The following DNAH8 variants were observed in gnomAD, a reference collection of about 807,000 sequenced individuals.
DNAH8 encodes axonemal beta dynein heavy chain 8.
DNAH8 carries 382 observed loss-of-function variants against 562.1 expected under a neutral mutation model. The ratio of observed to expected loss-of-function variants is 0.68; its 90% CI spans 0.63 to 0.74. The LOEUF is 0.74. DNAH8 is among the 30% of genes least tolerant of loss of function. The pLI, the probability that DNAH8 is intolerant of heterozygous loss-of-function variation, is 0.00. For synonymous variants in DNAH8, 1,881 were observed against 1,919.4 expected (o/e 0.98, Z 0.52); for missense variants, 5,203 against 5,620.4 (o/e 0.93, Z 2.37).
chr6:38,823,528 A>C, intron 27 of DNAH8, 34 bp from the exon 28 acceptor site: 1 of 1,534,962 alleles, frequency 6.5e-7, no homozygotes, highest in Non-Finnish European at 9.0e-7. Context: ...TATACTGTTA[A>C]AAAATTAAAA....
intron 91 of DNAH8, among the ~76,000 whole-genome samples, chr6:39,021,008 A>G (rs541473662): frequency 6.6e-6 from 1 of 152,258 alleles, no homozygotes; most frequent in African/African-American, 2.4e-5. Context: ...TAGCAGAATG[A>G]TTTGTATTTT....
intron 82 of DNAH8, among the ~76,000 whole-genome samples, 199 bp from the exon 83 acceptor site, chr6:38,971,393 G>T (rs916477981): frequency 6.6e-6 from 1 of 151,670 alleles, no homozygotes; most frequent in East Asian, 1.9e-4. Flanking sequence ...ACGCTTTTCC[G>T]GGTGGTGCCT....
At chr6:38,995,200 A>C (rs1765058236) in intron 88 of DNAH8, among the ~76,000 whole-genome samples, 1 of 152,120 alleles carries the variant, frequency 6.6e-6, no homozygotes, top group South Asian at 2.1e-4. Flanking sequence ...AACACCTAAA[A>C]AGTTAGTGAA....
chr6:38,719,985 G>C (rs73416356), intron 1 of DNAH8, among the ~76,000 whole-genome samples: 12,677 of 152,102 alleles, frequency 0.083, 1,679 homozygotes, highest in African/African-American at 0.28. Context: ...CAGATATAAG[G>C]ATGAGATCAT....
chr6:38,998,220 A>G (rs1382440606), intron 88 of DNAH8, among the ~76,000 whole-genome samples: 1 of 152,238 alleles, frequency 6.6e-6, no homozygotes, highest in East Asian at 1.9e-4. Flanking sequence ...ATAAGAATGC[A>G]GAATCTCTGA....
chr6:38,863,925 A>G lies in DNAH8; in HGVS notation c.6363A>G (p.Glu2121=). ...WGCFDEFNRI[E]LPVLSVAAQQ... ...GTTTTGATGAGTTTAACAGAATTGA[A>G]TTGCCTGTATTATCAGTGGCAGCAC... The change falls in exon 45 of 93, where the codon GAA becomes GAG. Residue 2121 remains glutamate, a synonymous_variant. Coordinates refer to ENST00000327475, the MANE Select transcript of DNAH8 (RefSeq NM_001206927.2). 1 of 1,611,928 alleles carries G rather than the reference A, an allele frequency of 6.2e-7. No individual in the cohort carries two copies. Among genetic ancestry groups the G allele is most frequent in the Non-Finnish European group, 8.5e-7 (1 of 1,179,572 alleles).
chr6:38,796,790 G>A (rs1770304439), intron 21 of DNAH8, among the ~76,000 whole-genome samples: 1 of 151,978 alleles, frequency 6.6e-6, no homozygotes, highest in Admixed American at 6.5e-5. Flanking sequence ...CGGGGAGCTC[G>A]GTTTTTGGAG....
At position 38,837,865 on chromosome 6, in the gene DNAH8, T is replaced by A. The variant is rs1236906352; in HGVS notation, c.4366-77T>A. On this transcript the variant is annotated intron_variant, in intron 32 of 92. Coordinates refer to ENST00000327475, the MANE Select transcript of DNAH8 (RefSeq NM_001206927.2). ...TTAATAAACCTCAACCTAGCTTTTA[T>A]CCCAATGAAAATAAATTCCACTTTA... 7.5e-6 allele frequency: 8 copies of A among 1,063,298 alleles called. No individual in the cohort carries two copies. In the Admixed American group the frequency reaches 1.5e-4, roughly 21 times the overall value. 65.9% of individuals were successfully genotyped at this position (1,063,298 alleles called of 1,614,324 possible). A position where few individuals can be genotyped will look rare whatever the true frequency, so the allele number is the denominator to read the frequency against.
In DNAH8 at chr6:38,886,891, CAGCAA is replaced by C; in HGVS notation, c.8361_8365del (p.Ala2788AspfsTer9). The C allele has an allele frequency of 6.2e-7, 1 of 1,613,950 alleles. No homozygotes were observed. Among genetic ancestry groups the C allele is most frequent in the Non-Finnish European group, 8.5e-7 (1 of 1,179,864 alleles). On this transcript the variant is annotated frameshift_variant, in exon 57 of 93. Transcript: ENST00000327475. LOFTEE classifies it high-confidence loss of function. ...ACTATTGTTGATGTGCAGCTCATAG[CAGCAA>C]TGATCCACCCTGGAGGTGGTCGAAA... is the stretch of plus-strand genomic sequence containing the variant.
Position 38,911,100 on chromosome 6 carries a change from T to G in DNAH8, c.9741-368T>G, listed in dbSNP as rs186183557. ...ACAGCACAAATTCATTTCAACCACT[T>G]ATCCCTAATATTTGTCCAGAACCTT... On this transcript the variant is annotated intron_variant, in intron 65 of 92. Transcript: ENST00000327475. Among the ~76,000 whole-genome samples, 201 of 152,320 alleles carry G rather than the reference T, an allele frequency of 1.3e-3. 1 individual carries two copies. Among genetic ancestry groups the G allele is most frequent in the Non-Finnish European group, 6.2e-4 (42 of 68,026 alleles).
At chr6:38,734,862 A>C (rs142833996) in intron 5 of DNAH8, among the ~76,000 whole-genome samples, 10 of 152,310 alleles carry the variant, frequency 6.6e-5, no homozygotes, top group African/African-American at 2.4e-4. Context: ...ATGGTGTGCA[A>C]ATAACACATT....
chr6:39,017,291 C>T lies in DNAH8; in HGVS notation c.13714+4654C>T, dbSNP rs370890785. 1.7e-4 allele frequency among the ~76,000 whole-genome samples: 26 copies of T among 152,078 alleles called. No individual in the cohort carries two copies. In the South Asian group the frequency reaches 4.8e-3, roughly 28 times the overall value. ...CCGAAGGTGCGCCTTTTCAGTGCAT[C>T]GTGTAACATGATTTAGATTCTGGTG... On this transcript the variant is annotated intron_variant, in intron 91 of 92. Transcript: ENST00000327475.
intron 11 of DNAH8, among the ~76,000 whole-genome samples, chr6:38,768,103 T>C (rs561434774): frequency 6.6e-6 from 1 of 152,206 alleles, no homozygotes; most frequent in Non-Finnish European, 1.5e-5. Flanking sequence ...TGTATATCTT[T>C]GGAGAAATAT....
intron 58 of DNAH8, among the ~76,000 whole-genome samples, chr6:38,891,904 C>G (rs768026850): frequency 3.0e-4 from 45 of 152,270 alleles, no homozygotes; most frequent in Admixed American, 9.8e-4. Flanking sequence ...GCTTTCATTC[C>G]CACTGTTCAT....
At chr6:38,749,054 G>A (rs924012654) in intron 8 of DNAH8, among the ~76,000 whole-genome samples, 1 of 152,038 alleles carries the variant, frequency 6.6e-6, no homozygotes, top group Non-Finnish European at 1.5e-5. Context: ...TTAGAGTGAT[G>A]TTGTGTGTGT....
intron 8 of DNAH8, chr6:38,744,054 A>C (rs1469908998): frequency 6.6e-6 from 1 of 152,164 alleles, no homozygotes; most frequent in Non-Finnish European, 1.5e-5. Context: ...AGTACTAATT[A>C]TCAGTTAAGT....
rs184475115 is a variant in DNAH8, at chr6:38,940,844, G to A, written c.12007+1856G>A. ...TTAGAAAAGATAACCTAGGCCGGGC[G>A]CGGTGGCTAATGCCTGTAATCCCAG... On this transcript the variant is annotated intron_variant, in intron 79 of 92. Transcript: ENST00000327475. 3.0e-3 allele frequency among the ~76,000 whole-genome samples: 455 copies of A among 152,298 alleles called. 4 individuals are homozygous for A. Among genetic ancestry groups the A allele is most frequent in the Non-Finnish European group, 5.1e-3 (345 of 68,022 alleles).
At chr6:38,954,315 C>T (rs569979117) in intron 82 of DNAH8, among the ~76,000 whole-genome samples, 2 of 152,238 alleles carry the variant, frequency 1.3e-5, no homozygotes, top group East Asian at 3.9e-4. Context: ...AACCCCACAA[C>T]CACACAAAAG....
At chr6:38,992,802 GAGACAA>G (rs1363903923) in intron 88 of DNAH8, among the ~76,000 whole-genome samples, 1 of 152,182 alleles carries the variant, frequency 6.6e-6, no homozygotes, top group Non-Finnish European at 1.5e-5. Flanking sequence ...AAAGCAATTG[GAGACAA>G]AGACAAAGAC....
Sources: gnomAD v4.1 joint callset for allele counts (sites outside exome capture counted in the v4.1 genomes callset) on GRCh38, gnomAD v4.1.1 for gene constraint, MANE v1.5 for transcripts, NCBI Gene and HGNC (gene_info 2026-07-23, HGNC 2026-07-21) for gene names.